Variants in LRP1B observed in about 807,000 individuals in gnomAD.
LRP1B encodes the protein low-density lipoprotein receptor-related protein 1B.
In LRP1B, 217 loss-of-function variants were observed where a neutral mutation model predicts 556.6. That is an observed-to-expected ratio of 0.39 (90% confidence interval 0.35 to 0.44). The LOEUF is 0.44. Among genes scored for constraint, LRP1B ranks in the 20% least tolerant of loss-of-function variants. The probability of loss-of-function intolerance (pLI) is 1.00; values close to 1 mark genes in which losing one functional copy is unlikely to be tolerated. For synonymous variants in LRP1B, 2,047 were observed against 1,865.8 expected (o/e 1.10, Z -2.50); for missense variants, 5,053 against 5,620.8 (o/e 0.90, Z 3.23).
At chr2:140,356,055 G>A (rs1311516053) in intron 75 of LRP1B, among the ~76,000 whole-genome samples, 1 of 151,796 alleles carries the variant, frequency 6.6e-6, no homozygotes, top group Non-Finnish European at 1.5e-5. Context: ...TCCTGAACCA[G>A]GAATTTCGTT....
intron 3 of LRP1B, among the ~76,000 whole-genome samples, chr2:141,264,236 G>A (rs182211472): frequency 4.6e-5 from 7 of 152,198 alleles, no homozygotes; most frequent in Admixed American, 2.0e-4. Context: ...ACCAGAACTA[G>A]TAAGCAATTA....
At chr2:140,522,686 AAAG>A (rs1690235588) in intron 49 of LRP1B, among the ~76,000 whole-genome samples, 2 of 151,880 alleles carry the variant, frequency 1.3e-5, no homozygotes. Context: ...AACAAAAAAA[AAAG>A]AGATAAGTCT....
chr2:142,024,366 A>G (rs1012805687), intron 1 of LRP1B, among the ~76,000 whole-genome samples: 1 of 152,190 alleles, frequency 6.6e-6, no homozygotes, highest in Admixed American at 6.5e-5. Context: ...AGTCACCTGG[A>G]GGACTTGTTA....
At chr2:141,536,664 T>C (rs553760450) in intron 2 of LRP1B, among the ~76,000 whole-genome samples, 11 of 152,192 alleles carry the variant, frequency 7.2e-5, no homozygotes, top group African/African-American at 2.6e-4. Context: ...TAGAAGCTCC[T>C]CTAGAACTAG....
At chr2:140,578,670 A>T (rs900918297) in intron 43 of LRP1B, among the ~76,000 whole-genome samples, 2 of 152,160 alleles carry the variant, frequency 1.3e-5, no homozygotes, top group Non-Finnish European at 2.9e-5. Context: ...CAGCACACCA[A>T]CATGGCACAT....
intron 22 of LRP1B, among the ~76,000 whole-genome samples, chr2:140,906,431 G>A (rs964911604): frequency 6.6e-6 from 1 of 152,034 alleles, no homozygotes; most frequent in Non-Finnish European, 1.5e-5. Flanking sequence ...CTCAATGGGT[G>A]TACTTTCTGT....
chr2:140,559,137 C>T (rs1680840895), intron 43 of LRP1B, among the ~76,000 whole-genome samples: 1 of 151,960 alleles, frequency 6.6e-6, no homozygotes, highest in Non-Finnish European at 1.5e-5. Flanking sequence ...GACAATTGAA[C>T]ATGTTAAACA....
chr2:142,108,874 C>A (rs960214362), intron 1 of LRP1B, among the ~76,000 whole-genome samples: 1 of 152,192 alleles, frequency 6.6e-6, no homozygotes, highest in Non-Finnish European at 1.5e-5. Context: ...CTCCACACAC[C>A]TGAGACCTAG....
chr2:140,720,084 GAGA>G (rs1687349018), intron 35 of LRP1B, among the ~76,000 whole-genome samples: 1 of 151,988 alleles, frequency 6.6e-6, no homozygotes, highest in South Asian at 2.1e-4. Flanking sequence ...AAGATAGAAA[GAGA>G]AGATTTTCAG....
intron 3 of LRP1B, among the ~76,000 whole-genome samples, chr2:141,400,105 G>A (rs1690394833): frequency 6.6e-6 from 1 of 151,804 alleles, no homozygotes; most frequent in Admixed American, 6.6e-5. Context: ...CCCACCTCAG[G>A]CTCCCAGCTG....
At chr2:141,056,756 C>T (rs894621574) in intron 9 of LRP1B, among the ~76,000 whole-genome samples, 2 of 151,904 alleles carry the variant, frequency 1.3e-5, no homozygotes, top group African/African-American at 4.8e-5. Context: ...TGTGACCTGT[C>T]TGTCAATGAC....
intron 57 of LRP1B, among the ~76,000 whole-genome samples, chr2:140,490,552 A>G (rs934411655): frequency 3.3e-5 from 5 of 152,076 alleles, no homozygotes; most frequent in Non-Finnish European, 4.4e-5. Context: ...TTGTCTTTTC[A>G]TTTATTTTGG....
chr2:141,214,118 G>A (rs1682683643), intron 6 of LRP1B, among the ~76,000 whole-genome samples: 2 of 152,132 alleles, frequency 1.3e-5, no homozygotes, highest in Non-Finnish European at 2.9e-5. Flanking sequence ...GCCCAAAGAT[G>A]CTGAAGGCTG....
intron 2 of LRP1B, among the ~76,000 whole-genome samples, chr2:141,730,086 G>A (rs1169085355): frequency 6.6e-6 from 1 of 152,164 alleles, no homozygotes; most frequent in African/African-American, 2.4e-5. Context: ...TGAAAAACAT[G>A]TGAAGATCAA....
At chr2:140,311,838 G>A (rs1219913076) in intron 83 of LRP1B, among the ~76,000 whole-genome samples, 4 of 151,858 alleles carry the variant, frequency 2.6e-5, no homozygotes, top group African/African-American at 7.2e-5. Flanking sequence ...TTAAATGAAT[G>A]TTCACTCTTT....
intron 2 of LRP1B, among the ~76,000 whole-genome samples, chr2:141,749,540 T>C (rs1313432787): frequency 2.6e-5 from 4 of 152,174 alleles, no homozygotes; most frequent in African/African-American, 9.6e-5. Context: ...TAAACTTGAA[T>C]GATACCATTA....
chr2:140,800,844 A>G (rs552021592), intron 32 of LRP1B, among the ~76,000 whole-genome samples: 5 of 152,290 alleles, frequency 3.3e-5, no homozygotes, highest in Non-Finnish European at 7.4e-5. Flanking sequence ...ATGATTGGCT[A>G]TATTTTATAC....
intron 3 of LRP1B, among the ~76,000 whole-genome samples, chr2:141,301,445 C>T (rs777388927): frequency 6.6e-6 from 1 of 152,076 alleles, no homozygotes; most frequent in South Asian, 2.1e-4. Context: ...GGAAAACTAG[C>T]CTTAGCCTCC....
chr2:140,470,881 C>A (rs1687741725), intron 60 of LRP1B, among the ~76,000 whole-genome samples: 2 of 151,968 alleles, frequency 1.3e-5, no homozygotes, highest in Admixed American at 1.3e-4. Flanking sequence ...CCTTGAGGTT[C>A]CCAGACTTCT....
Sources: allele counts gnomAD v4.1 joint callset (sites outside exome capture counted in the v4.1 genomes callset), GRCh38; gene constraint gnomAD v4.1.1; transcripts MANE v1.5; gene names NCBI Gene and HGNC (gene_info 2026-07-23, HGNC 2026-07-21).